PEAR1: variants seen among roughly 807,000 people sequenced by gnomAD.
PEAR1 encodes multiple EGF-like domains protein 12.
Under a neutral mutation model 131.2 loss-of-function variants are expected in PEAR1, and 113 were observed. The observed-to-expected ratio is 0.86, with a 90% confidence interval of 0.74 to 1.01. The LOEUF is 1.01. PEAR1 is among the 50% of genes least tolerant of loss of function. The pLI is 0.00. For synonymous variants in PEAR1, 565 were observed against 523.3 expected, an observed-to-expected ratio of 1.08 and a Z score of -1.09; for missense variants, 1,408 against 1,391.1, an observed-to-expected ratio of 1.01 and a Z score of -0.19.
intron 14 of PEAR1, 56 bp downstream of exon 14, chr1:156,910,436 A>C (rs1650926416): frequency 6.5e-7 from 1 of 1,548,738 alleles, no homozygotes; most frequent in East Asian, 2.3e-5. Context: ...GTGTAGTGTC[A>C]GCTGCCAGAG....
In PEAR1 at chr1:156,908,414, G is replaced by T. The variant is rs917498077; in HGVS notation, c.1115+74G>T. On this transcript the variant is annotated intron_variant, in intron 9 of 22. Transcript: ENST00000292357. This position sits in a 1 kb window ranked among gnomAD's most constrained non-coding sequence, Gnocchi z 4.2. ...TCTTCCTGGCCGAAGTCACCACAGA[G>T]CCAGGGCCATATCCAAGGGGGACAG... 5.6e-6 allele frequency: 8 copies of T among 1,426,940 alleles called. No individual in the cohort carries two copies. The highest frequency in any genetic ancestry group is 7.4e-6 in the Non-Finnish European group (8 of 1,081,924). The allele number at this position is 1,426,940 out of a possible 1,614,324, so 88.4% of individuals were successfully genotyped here. A position where few individuals can be genotyped will look rare whatever the true frequency, so the allele number is the denominator to read the frequency against.
rs1437964120 is a variant in PEAR1 at position 156,907,789 on chromosome 1, G to C, written c.765+59G>C. ...GGGTCTGGGGAGAATTCTGTGGGTG[G>C]TGCTAAGCAGGGCTCCAAGGTGAGT... On this transcript the variant is annotated intron_variant, in intron 7 of 22. Transcript: ENST00000292357. 2.5e-6 allele frequency: 4 copies of C among 1,574,120 alleles called. No individual in the cohort carries two copies. In the African/African-American group the frequency reaches 4.1e-5, roughly 16 times the overall value.
chr1:156,900,925 G>A (rs1476890711), intron 1 of PEAR1, among the ~76,000 whole-genome samples: 1 of 152,194 alleles, frequency 6.6e-6, no homozygotes, highest in Non-Finnish European at 1.5e-5. Context: ...GCTGGAAGGG[G>A]TTGGGGGAGC....
At chr1:156,909,136 G>C in intron 11 of PEAR1, 100 bp downstream of exon 11, 1 of 1,514,714 alleles carries the variant, frequency 6.6e-7, no homozygotes, top group African/African-American at 1.4e-5. Context: ...GGGAGCGGCT[G>C]CAGGGTAAGG....
intron 6 of PEAR1, 63 bp downstream of exon 6, chr1:156,906,943 T>C (rs1423196808): frequency 4.5e-6 from 7 of 1,541,420 alleles, no homozygotes; most frequent in Non-Finnish European, 6.1e-6. Context: ...CAGATCTATG[T>C]GGGGAAATGA....
intron 1 of PEAR1, among the ~76,000 whole-genome samples, chr1:156,901,018 C>A (rs971441417): frequency 2.6e-5 from 4 of 152,138 alleles, no homozygotes; most frequent in Non-Finnish European, 4.4e-5. Flanking sequence ...GGGCTCTGGG[C>A]TCCTGGTCTG....
At chr1:156,893,966 A>C (rs764028573) in intron 1 of PEAR1, 129 bp downstream of exon 1, 4 of 152,416 alleles carry the variant, frequency 2.6e-5, no homozygotes, top group Non-Finnish European at 5.9e-5. Context: ...CCCCAGACCC[A>C]GGAGTGTAGA....
At position 156,908,510 on chromosome 1, in the gene PEAR1, C is replaced by A. The variant is rs1188865084; in HGVS notation, c.1116-145C>A. ...CCTGGGGTACCGCTACTTGCCCCAA[C>A]CCAGTTTTCAGAATAGCGCGGAGCC... On this transcript the variant is annotated intron_variant, in intron 9 of 22. Transcript: ENST00000292357. The surrounding 1 kb of genome is among the most constrained non-coding windows in gnomAD (Gnocchi z 4.2). 8 of 1,197,026 alleles carry A rather than the reference C, an allele frequency of 6.7e-6. No homozygotes were observed. The highest frequency in any genetic ancestry group is 3.4e-6 in the Non-Finnish European group (3 of 882,574). 74.2% of individuals were successfully genotyped at this position (1,197,026 alleles called of 1,614,324 possible). A position where few individuals can be genotyped will look rare whatever the true frequency, so the allele number is the denominator to read the frequency against.
chr1:156,896,499 G>T lies in PEAR1; in HGVS notation c.-10+2662G>T, dbSNP rs188242960. ...CAGCACCTTCCAGGGTGGCGGCGAG[G>T]GTTGGGACTGGCACTGGCGACAGCC... On this transcript the variant is annotated intron_variant, in intron 1 of 22. Transcript: ENST00000292357. Among the ~76,000 whole-genome samples the T allele has an allele frequency of 2.0e-3, 302 of 152,354 alleles. 1 individual carries two copies. Among genetic ancestry groups the T allele is most frequent in the Non-Finnish European group, 3.3e-3 (224 of 68,028 alleles).
intron 5 of PEAR1, 75 bp downstream of exon 5, chr1:156,906,443 A>C (rs1333502614): frequency 1.3e-6 from 2 of 1,574,692 alleles, no homozygotes; most frequent in Admixed American, 1.7e-5. Context: ...CACCCTCCCT[A>C]CCAGGGCACA....
chr1:156,908,806 T>G lies in PEAR1; in HGVS notation c.1267T>G (p.Cys423Gly). The G allele has an allele frequency of 6.2e-7, 1 of 1,607,222 alleles. No individual in the cohort carries two copies. The highest frequency in any genetic ancestry group is 8.5e-7 in the Non-Finnish European group (1 of 1,179,398). ...CGTCTGCCAGGCTACCAGCGGCCTCTGTCAGTGCGCGCCGGGTTACACGGT... is the reference window on the plus strand; with the variant it reads ...CGTCTGCCAGGCTACCAGCGGCCTCGGTCAGTGCGCGCCGGGTTACACGGT... ...GGVCQATSGL[C>G]QCAPGYTGPH... Residue 423 changes from cysteine to glycine, a missense_variant, in exon 10 of 23, where the codon TGT becomes GGT. Physicochemically the swap from Cys to Gly is radical, Grantham distance 159. Transcript: ENST00000292357. This position sits in a 1 kb window ranked among gnomAD's most constrained non-coding sequence, Gnocchi z 4.2.
At position 156,913,487 on chromosome 1, in the gene PEAR1, C is replaced by CTG; in HGVS notation, c.2608_2609insTG (p.His870LeufsTer51). ...CACCACCCTGCCTGCTGACTGGAAG[C>CTG]ACCGCCGGGAGCCCCCTCCAGGGCC... On this transcript the variant is annotated frameshift_variant, in exon 20 of 23. Coordinates refer to ENST00000292357, the MANE Select transcript of PEAR1 (RefSeq NM_001080471.3). LOFTEE classifies it high-confidence loss of function. 1 of 1,613,274 alleles carries CTG rather than the reference C, an allele frequency of 6.2e-7. No individual in the cohort carries two copies. Among genetic ancestry groups the CTG allele is most frequent in the Non-Finnish European group, 8.5e-7 (1 of 1,180,018 alleles).
intron 20 of PEAR1, 66 bp downstream of exon 20, chr1:156,913,589 G>A (rs567630870): frequency 1.2e-5 from 19 of 1,603,444 alleles, no homozygotes; most frequent in Middle Eastern, 2.0e-4. Flanking sequence ...CCGCGTCTGA[G>A]TGTGTGTGTC....
chr1:156,906,941 T>A, intron 6 of PEAR1, 61 bp downstream of exon 6: 3 of 1,541,440 alleles, frequency 1.9e-6, no homozygotes, highest in South Asian at 2.4e-5. Context: ...CACAGATCTA[T>A]GTGGGGAAAT....
At chr1:156,911,809 G>A (rs906963806) in intron 15 of PEAR1, among the ~76,000 whole-genome samples, 5 of 152,338 alleles carry the variant, frequency 3.3e-5, no homozygotes, top group Admixed American at 2.6e-4. Context: ...AAAGAAGGAA[G>A]TCATCTTGGT....
rs1378164162 is a variant in PEAR1, at chr1:156,908,034, G to A, written c.885G>A (p.Pro295=). Residue 295 remains proline, a synonymous_variant, in exon 8 of 23, where the codon CCG becomes CCA. Transcript: ENST00000292357. This position sits in a 1 kb window ranked among gnomAD's most constrained non-coding sequence, Gnocchi z 4.2. ...DRFTGQCRCA[P]GYTGDRCREE... is the part of the protein sequence containing the mutation. ...TCACTGGGCAGTGCCGCTGCGCTCCGGGTTACACTGGGGATCGGTGAGTGG... is the reference window on the plus strand; with the variant it reads ...TCACTGGGCAGTGCCGCTGCGCTCCAGGTTACACTGGGGATCGGTGAGTGG... 2 of 1,575,508 alleles carry A rather than the reference G, an allele frequency of 1.3e-6. No individual in the cohort carries two copies. The highest frequency in any genetic ancestry group is 1.3e-5 in the African/African-American group (1 of 74,430).
In PEAR1 at chr1:156,910,457, C is replaced by G. The variant is rs535361390; in HGVS notation, c.1825+77C>G. On this transcript the variant is annotated intron_variant, in intron 14 of 22. Coordinates refer to ENST00000292357, the MANE Select transcript of PEAR1 (RefSeq NM_001080471.3). Reference sequence around the variant, plus strand: ...TGTCAGCTGCCAGAGCACCCCTCCCCCCGCGCCCGCCGCCCACCTCTCCCA... The same window carrying G: ...TGTCAGCTGCCAGAGCACCCCTCCCGCCGCGCCCGCCGCCCACCTCTCCCA... The G allele has an allele frequency of 3.7e-3, 5,767 of 1,543,030 alleles. 15 individuals are homozygous for G. The highest frequency in any genetic ancestry group is 4.5e-3 in the Non-Finnish European group (5,090 of 1,142,624).
Position 156,913,401 on chromosome 1 carries a change from C to T in PEAR1, c.2522C>T (p.Pro841Leu), listed in dbSNP as rs371860308. ...ACTGTCCCCTCTTAGGTTCCAGGCC[C>T]GCTCTTTGCCAGCCTGCAGAACCCT... ...NPPPPNKVPG[P>L]LFASLQNPER... The change falls in exon 20 of 23, where the codon CCG becomes CTG. Residue 841 changes from proline (P) to leucine (L), a missense_variant. By Grantham distance (98) the Pro-to-Leu change is moderately conservative. Transcript: ENST00000292357. The T allele has an allele frequency of 3.3e-5, 52 of 1,598,906 alleles. No individual in the cohort carries two copies. The highest frequency in any genetic ancestry group is 1.3e-4 in the East Asian group (6 of 44,884).
chr1:156,909,143 A>C, intron 11 of PEAR1, 107 bp downstream of exon 11: 1 of 1,458,342 alleles, frequency 6.9e-7, no homozygotes, highest in Non-Finnish European at 9.4e-7. Context: ...GCTGCAGGGT[A>C]AGGGTGGAGG....
Sources: gnomAD v4.1 joint callset for allele counts (sites outside exome capture counted in the v4.1 genomes callset) on GRCh38, gnomAD v4.1.1 for gene constraint, Gnocchi (gnomAD v3.1) non-coding constraint, MANE v1.5 for transcripts, NCBI Gene and HGNC (gene_info 2026-07-23, HGNC 2026-07-21) for gene names.